PLCL2: variants seen among roughly 807,000 people sequenced by gnomAD.
The protein encoded by PLCL2 is phospholipase C like 2.
In PLCL2, 4 loss-of-function variants were observed where a neutral mutation model predicts 79.6. The ratio of observed to expected loss-of-function variants is 0.05; its 90% CI spans 0.02 to 0.11. The LOEUF is 0.11. Among genes scored for constraint, PLCL2 ranks in the 10% least tolerant of loss-of-function variants. The pLI, the probability that PLCL2 is intolerant of heterozygous loss-of-function variation, is 1.00. For missense variants in PLCL2, 895 were observed against 1,291.0 expected (o/e 0.69, Z 4.70); for synonymous variants, 484 against 457.7 (o/e 1.06, Z -0.73).
Position 17,081,139 on chromosome 3 carries a change from A to C in PLCL2, c.3205-8594A>C, listed in dbSNP as rs140243511. On this transcript the variant is annotated intron_variant, in intron 5 of 5. Transcript: ENST00000615277. ...CCCTCTTTGTGGAGCAGGTGGTATC[A>C]GTGAAGGTATCTAAATTCTGCTGTG... is the stretch of plus-strand genomic sequence containing the variant. 124 of 456,388 alleles carry C rather than the reference A, an allele frequency of 2.7e-4. 2 individuals are homozygous for C. Among genetic ancestry groups the C allele is most frequent in the African/African-American group, 2.3e-3 (114 of 50,202 alleles). The allele number at this position is 456,388 out of a possible 1,614,324, so 28.3% of individuals were successfully genotyped here.
At chr3:17,018,756 A>G (rs1313357515) in intron 3 of PLCL2, among the ~76,000 whole-genome samples, 1 of 152,200 alleles carries the variant, frequency 6.6e-6, no homozygotes, top group Non-Finnish European at 1.5e-5. Flanking sequence ...TAATTGGTTT[A>G]TTTCAATAAA....
intron 1 of PLCL2, among the ~76,000 whole-genome samples, chr3:16,993,620 A>G (rs2064125597): frequency 6.6e-6 from 1 of 152,244 alleles, no homozygotes; most frequent in African/African-American, 2.4e-5. Context: ...GCTTGCAGGT[A>G]GAATTTGTCC....
intron 1 of PLCL2, among the ~76,000 whole-genome samples, chr3:16,920,495 T>C (rs1234864043): frequency 1.3e-5 from 2 of 152,150 alleles, no homozygotes; most frequent in Non-Finnish European, 2.9e-5. Context: ...ATTGAGAATC[T>C]GAACTGGAAA....
chr3:17,021,221 G>A (rs2064448113), intron 3 of PLCL2, among the ~76,000 whole-genome samples: 1 of 152,156 alleles, frequency 6.6e-6, no homozygotes, highest in African/African-American at 2.4e-5. Context: ...CCTACAGAGT[G>A]ATGATTTGAA....
intron 1 of PLCL2, among the ~76,000 whole-genome samples, chr3:16,937,429 G>A (rs1002853944): frequency 6.6e-6 from 1 of 152,168 alleles, no homozygotes; most frequent in Non-Finnish European, 1.5e-5. Context: ...TTCAGGCAAA[G>A]GGTAGGAATC....
At chr3:17,019,404 A>G (rs536467530) in intron 3 of PLCL2, among the ~76,000 whole-genome samples, 1 of 152,344 alleles carries the variant, frequency 6.6e-6, no homozygotes, top group South Asian at 2.1e-4. Context: ...ACGTGAGAAA[A>G]TGGAAACCCT....
chr3:17,039,652 C>T (rs2124917634), intron 3 of PLCL2, among the ~76,000 whole-genome samples: 1 of 152,162 alleles, frequency 6.6e-6, no homozygotes, highest in East Asian at 1.9e-4. Flanking sequence ...AAGTTTTCTG[C>T]CTGCCTTGTC....
chr3:17,008,036 C>T (rs1279344908), intron 1 of PLCL2, among the ~76,000 whole-genome samples: 1 of 152,104 alleles, frequency 6.6e-6, no homozygotes, highest in Non-Finnish European at 1.5e-5. Context: ...TGGATGTCAG[C>T]CCCTTAAGAT....
chr3:16,969,666 G>A (rs541345324), intron 1 of PLCL2, among the ~76,000 whole-genome samples: 11 of 151,666 alleles, frequency 7.3e-5, no homozygotes, highest in East Asian at 3.9e-4. Flanking sequence ...CAGTCTATCC[G>A]TCTTATTTAT....
chr3:16,941,118 C>T (rs974842288), intron 1 of PLCL2, among the ~76,000 whole-genome samples: 2 of 152,200 alleles, frequency 1.3e-5, no homozygotes, highest in African/African-American at 4.8e-5. Context: ...GGATTCAGTC[C>T]TTTGTCCCCT....
Position 16,975,259 on chromosome 3 carries a change from G to A in PLCL2, c.328-34415G>A, listed in dbSNP as rs2063912995. Among the ~76,000 whole-genome samples, 6 of 152,208 alleles carry A rather than the reference G, an allele frequency of 3.9e-5. No individual in the cohort carries two copies. The South Asian group carries it at 1.2e-3, about 31-fold the overall frequency. On this transcript the variant is annotated intron_variant, in intron 1 of 5. Coordinates refer to ENST00000615277, the MANE Select transcript of PLCL2 (RefSeq NM_001144382.2). ...TGTTTGGGGCCAGCTCCCCAGGGAAGTCTTGGTGACCTTTCCAAGTAATAA... is the reference window on the plus strand; with the variant it reads ...TGTTTGGGGCCAGCTCCCCAGGGAAATCTTGGTGACCTTTCCAAGTAATAA...
intron 1 of PLCL2, among the ~76,000 whole-genome samples, chr3:16,997,408 T>C (rs556737113): frequency 6.7e-6 from 1 of 149,594 alleles, no homozygotes; most frequent in African/African-American, 2.4e-5. Context: ...GGCTCATGAA[T>C]GGTTTGGAAC....
chr3:17,043,902 A>G (rs554141304), intron 4 of PLCL2, among the ~76,000 whole-genome samples: 1 of 152,354 alleles, frequency 6.6e-6, no homozygotes, highest in East Asian at 1.9e-4. Flanking sequence ...TTCTACTTCT[A>G]GTCCTTTGCA....
chr3:16,964,679 C>T (rs892282539), intron 1 of PLCL2, among the ~76,000 whole-genome samples: 14 of 151,876 alleles, frequency 9.2e-5, no homozygotes, highest in African/African-American at 3.4e-4. Context: ...TCTCCAGCAC[C>T]TGTTGTTTCC....
chr3:16,988,868 T>G (rs147989410), intron 1 of PLCL2, among the ~76,000 whole-genome samples: 22 of 152,268 alleles, frequency 1.4e-4, no homozygotes, highest in African/African-American at 4.8e-4. Context: ...AGTTTTTAAT[T>G]CCATTTCAAG....
Position 16,971,173 on chromosome 3 carries a change from T to G in PLCL2, c.328-38501T>G, listed in dbSNP as rs541454831. Among the ~76,000 whole-genome samples, 13 of 151,760 alleles carry G rather than the reference T, an allele frequency of 8.6e-5. No individual in the cohort carries two copies. In the East Asian group the frequency reaches 2.5e-3, roughly 29 times the overall value. ...CCTGAATGGTAATGCCTAGGTTTTC[T>G]TCTAGGGTTTTTATGGTTTTAGGTC... On this transcript the variant is annotated intron_variant, in intron 1 of 5. Coordinates refer to ENST00000615277, the MANE Select transcript of PLCL2 (RefSeq NM_001144382.2).
chr3:17,011,173 G>T lies in PLCL2; in HGVS notation c.1827G>T (p.Val609=), dbSNP rs761284399. 1.9e-6 allele frequency: 3 copies of T among 1,614,066 alleles called. No individual in the cohort carries two copies. The highest frequency in any genetic ancestry group is 1.3e-5 in the African/African-American group (1 of 74,930). Residue 609 remains valine (V), a synonymous_variant, in exon 2 of 6, where the codon GTG becomes GTT. Coordinates refer to ENST00000615277, the MANE Select transcript of PLCL2 (RefSeq NM_001144382.2). The surrounding 1 kb of genome is among the most constrained non-coding windows in gnomAD (Gnocchi z 7.9). ...TGGAGCAACCCAATAATGTGCCTGT[G>T]AAGCGATTTCAGCTTTGTAAAGAAC... ...ENMEQPNNVP[V]KRFQLCKELS... is the part of the protein sequence containing the mutation.
At chr3:16,902,853 C>CAT (rs1553633684) in intron 1 of PLCL2, among the ~76,000 whole-genome samples, 9,429 of 42,190 alleles carry the variant, frequency 0.22, 571 homozygotes, top group African/African-American at 0.31. Flanking sequence ...AAATGCAGTG[C>CAT]GTGTGTGTGT....
intron 1 of PLCL2, among the ~76,000 whole-genome samples, chr3:16,912,778 A>G (rs545957655): frequency 1.7e-4 from 26 of 152,306 alleles, no homozygotes; most frequent in Admixed American, 1.3e-3. Flanking sequence ...TTCATGTTAG[A>G]TCTATAAATA....
Sources: gnomAD v4.1 joint callset for allele counts (sites outside exome capture counted in the v4.1 genomes callset) on GRCh38, gnomAD v4.1.1 for gene constraint, Gnocchi (gnomAD v3.1) non-coding constraint, MANE v1.5 for transcripts, NCBI Gene and HGNC (gene_info 2026-07-23, HGNC 2026-07-21) for gene names.